The following EDA variants were observed in gnomAD, a reference collection of about 807,000 sequenced individuals.
The protein encoded by EDA is ectodysplasin-A.
EDA carries 2 observed loss-of-function variants against 23.6 expected under a neutral mutation model. That is an observed-to-expected ratio of 0.08 (90% CI 0.03 to 0.27). EDA has a LOEUF of 0.27. Among genes scored for constraint, EDA ranks in the 10% least tolerant of loss-of-function variants. EDA has a pLI of 1.00. For missense variants in EDA, 229 were observed against 324.2 expected (o/e 0.71, Z 2.26); for synonymous variants, 131 against 132.0 (o/e 0.99, Z 0.05).
chrX:69,623,812 A>G (rs1260058204), intron 1 of EDA, among the ~76,000 whole-genome samples: 3 of 110,581 alleles, frequency 2.7e-5, no homozygotes, highest in Admixed American at 1.9e-4. Context: ...GTCTGCAATC[A>G]TATAGCTATT....
At chrX:70,034,876 A>G (rs1206142199) in intron 7 of EDA, among the ~76,000 whole-genome samples, 4 of 111,701 alleles carry the variant, frequency 3.6e-5, no homozygotes, top group Non-Finnish European at 7.5e-5. Flanking sequence ...TCTGTTAAGG[A>G]GCTCAAGAAA....
chrX:69,712,103 A>T (rs1359667497), intron 1 of EDA, among the ~76,000 whole-genome samples: 2 of 109,836 alleles, frequency 1.8e-5, no homozygotes, highest in Non-Finnish European at 3.8e-5. Context: ...TCAATTTTAG[A>T]TCTTTCCTGC....
At chrX:69,880,734 C>T (rs766745390) in intron 1 of EDA, among the ~76,000 whole-genome samples, 5 of 112,102 alleles carry the variant, frequency 4.5e-5, no homozygotes, top group African/African-American at 6.5e-5. Flanking sequence ...TTTACCTGTT[C>T]CCATTGGGCC....
intron 1 of EDA, among the ~76,000 whole-genome samples, chrX:69,713,419 C>G (rs2012173521): frequency 9.0e-6 from 1 of 111,268 alleles, no homozygotes; most frequent in South Asian, 3.8e-4. Flanking sequence ...TCTGTGTAGC[C>G]TTGTGTATCT....
intron 1 of EDA, among the ~76,000 whole-genome samples, chrX:69,938,324 A>G (rs2018707351): frequency 8.9e-6 from 1 of 111,948 alleles, no homozygotes; most frequent in Admixed American, 9.4e-5. Context: ...ATGATATCTC[A>G]TTGTAGTTTC....
In EDA at chrX:69,827,291, C is replaced by G. The variant is rs150959188; in HGVS notation, c.397-129736C>G. 9.6e-3 allele frequency among the ~76,000 whole-genome samples: 1,077 copies of G among 112,048 alleles called. 15 individuals carry two copies. Among genetic ancestry groups the G allele is most frequent in the African/African-American group, 0.033 (1,013 of 30,838 alleles). ...GTTCTCCTGGATAATATCTTGCAGA[C>G]TGTTTTCCAACTTGGTTCCATTCTC... On this transcript the variant is annotated intron_variant, in intron 1 of 7. Coordinates refer to ENST00000374552, the MANE Select transcript of EDA (RefSeq NM_001399.5).
intron 1 of EDA, among the ~76,000 whole-genome samples, chrX:69,859,991 T>TTC (rs1470454542): frequency 1.7e-5 from 1 of 58,178 alleles, no homozygotes; most frequent in Non-Finnish European, 5.4e-5. Flanking sequence ...TTCCTTGTAT[T>TTC]TTTTTTTTTT....
intron 1 of EDA, among the ~76,000 whole-genome samples, chrX:69,739,742 A>G (rs544829022): frequency 1.4e-3 from 156 of 111,057 alleles, no homozygotes; most frequent in African/African-American, 5.0e-3. Context: ...TTTCAGTGAG[A>G]TATAGACACT....
intron 1 of EDA, among the ~76,000 whole-genome samples, chrX:69,799,052 A>G (rs2015613302): frequency 1.8e-5 from 2 of 111,235 alleles, no homozygotes; most frequent in African/African-American, 6.5e-5. Flanking sequence ...TCTATACAGT[A>G]AATTAATTTT....
At chrX:69,925,689 C>A (rs145016191) in intron 1 of EDA, among the ~76,000 whole-genome samples, 178 of 110,385 alleles carry the variant, frequency 1.6e-3, no homozygotes, top group African/African-American at 5.6e-3. Flanking sequence ...GGAGTAGTTC[C>A]TCCTTTTCAA....
At chrX:69,922,514 T>G (rs895120407) in intron 1 of EDA, among the ~76,000 whole-genome samples, 1 of 112,187 alleles carries the variant, frequency 8.9e-6, no homozygotes, top group Non-Finnish European at 1.9e-5. Flanking sequence ...TGTCTAATGA[T>G]ATTTCATTTT....
chrX:69,979,094 A>G lies in EDA; in HGVS notation c.502+21962A>G, dbSNP rs141078375. Among the ~76,000 whole-genome samples, 740 of 111,271 alleles carry G rather than the reference A, an allele frequency of 6.7e-3. 5 individuals are homozygous for G. The highest frequency in any genetic ancestry group is 0.023 in the African/African-American group (714 of 30,589). ...CTCCCTGCAGCCCCTGGTCACCTCT[A>G]TTGTACTTTCTGTATCTATGACTAC... On this transcript the variant is annotated intron_variant, in intron 2 of 7. Transcript: ENST00000374552.
intron 1 of EDA, among the ~76,000 whole-genome samples, chrX:69,803,301 G>GT (rs2015738381): frequency 4.6e-5 from 5 of 108,921 alleles, no homozygotes; most frequent in Admixed American, 9.7e-5. Context: ...CAGTTTTTTT[G>GT]GTTTTTTTTT....
intron 6 of EDA, among the ~76,000 whole-genome samples, chrX:70,032,611 G>C (rs1287450191): frequency 9.0e-6 from 1 of 111,589 alleles, no homozygotes; most frequent in East Asian, 2.8e-4. Context: ...CTCACACACT[G>C]GCTTCCGCTG....
intron 1 of EDA, among the ~76,000 whole-genome samples, chrX:69,682,001 G>T (rs1473189298): frequency 2.7e-5 from 3 of 109,927 alleles, no homozygotes; most frequent in East Asian, 5.8e-4. Flanking sequence ...TGGGTTTTTG[G>T]TGTGGATGTC....
chrX:69,769,288 A>C (rs1044882428), intron 1 of EDA, among the ~76,000 whole-genome samples: 2 of 111,967 alleles, frequency 1.8e-5, no homozygotes, highest in Non-Finnish European at 3.8e-5. Flanking sequence ...TCTGAATATA[A>C]TTGTGTATTT....
chrX:69,819,634 A>G (rs971987784), intron 1 of EDA, among the ~76,000 whole-genome samples: 3 of 111,595 alleles, frequency 2.7e-5, no homozygotes, highest in Admixed American at 9.5e-5. Context: ...TAATTGCTAC[A>G]AAAGGAATAA....
At chrX:69,949,905 G>A (rs1462208681) in intron 1 of EDA, among the ~76,000 whole-genome samples, 1 of 110,610 alleles carries the variant, frequency 9.0e-6, no homozygotes, top group Non-Finnish European at 1.9e-5. Context: ...AACTGAAATT[G>A]GATCCCTTCC....
intron 1 of EDA, among the ~76,000 whole-genome samples, chrX:69,749,082 TC>T (rs2013720453): frequency 1.7e-5 from 1 of 57,665 alleles, no homozygotes; most frequent in Non-Finnish European, 3.1e-5. Flanking sequence ...GTGCTATCCC[TC>T]CCCCCTCCCC....
Sources: allele counts gnomAD v4.1 joint callset (sites outside exome capture counted in the v4.1 genomes callset), GRCh38; gene constraint gnomAD v4.1.1; transcripts MANE v1.5; gene names NCBI Gene and HGNC (gene_info 2026-07-23, HGNC 2026-07-21).